Variants in ZRANB3 observed in about 807,000 individuals in gnomAD.
The protein encoded by ZRANB3 is zinc finger RANBP2-type containing 3, also known as DNA annealing helicase and endonuclease ZRANB3.
ZRANB3 carries 125 observed loss-of-function variants against 133.8 expected under a neutral mutation model. That is an observed-to-expected ratio of 0.93 (90% CI 0.81 to 1.08). ZRANB3 has a LOEUF of 1.08. Among genes scored for constraint, ZRANB3 ranks in the 50% least tolerant of loss-of-function variants. ZRANB3 has a pLI of 0.00. For synonymous variants in ZRANB3, 387 were observed against 432.7 expected (o/e 0.89, Z 1.31); for missense variants, 1,229 against 1,275.5 (o/e 0.96, Z 0.56).
chr2:135,393,683 C>T (rs1185212010), intron 2 of ZRANB3, among the ~76,000 whole-genome samples: 2 of 151,944 alleles, frequency 1.3e-5, no homozygotes, highest in Non-Finnish European at 2.9e-5. Flanking sequence ...TCTATTATAC[C>T]CTTGTAAAAT....
chr2:135,430,403 G>C (rs1574092150), intron 2 of ZRANB3, among the ~76,000 whole-genome samples: 1 of 151,260 alleles, frequency 6.6e-6, no homozygotes. Flanking sequence ...AATACTGCTT[G>C]ACTTTCTAAT....
At chr2:135,476,873 T>G (rs1691523011) in intron 2 of ZRANB3, among the ~76,000 whole-genome samples, 1 of 151,808 alleles carries the variant, frequency 6.6e-6, no homozygotes, top group East Asian at 1.9e-4. Flanking sequence ...CCTGGCTAAT[T>G]TTTAATTTTT....
At chr2:135,491,076 C>A (rs1005405218) in intron 2 of ZRANB3, among the ~76,000 whole-genome samples, 1 of 152,068 alleles carries the variant, frequency 6.6e-6, no homozygotes, top group African/African-American at 2.4e-5. Context: ...TTTGGTAGAT[C>A]AGTAGGGTGA....
intron 2 of ZRANB3, among the ~76,000 whole-genome samples, chr2:135,426,910 A>G (rs1247406072): frequency 7.3e-5 from 8 of 109,626 alleles, no homozygotes; most frequent in Non-Finnish European, 7.9e-5. Flanking sequence ...ATATATATAT[A>G]TGTGCAAATC....
chr2:135,365,007 C>A (rs909527594), intron 3 of ZRANB3, among the ~76,000 whole-genome samples: 1 of 151,582 alleles, frequency 6.6e-6, no homozygotes, highest in African/African-American at 2.4e-5. Flanking sequence ...AGAGATGGTG[C>A]CACTGCACTC....
intron 1 of ZRANB3, among the ~76,000 whole-genome samples, chr2:135,512,626 A>G (rs1050990615): frequency 2.0e-5 from 3 of 151,902 alleles, no homozygotes; most frequent in African/African-American, 7.2e-5. Context: ...ATAAACACTG[A>G]AAGTAAAAGA....
intron 6 of ZRANB3, among the ~76,000 whole-genome samples, chr2:135,343,186 CAAAAAAA>C (rs1176402987): frequency 2.1e-5 from 1 of 46,522 alleles, no homozygotes; most frequent in African/African-American, 9.3e-5. Flanking sequence ...ACTCTGTCTC[CAAAAAAA>C]AAAAAAAAAA....
chr2:135,352,612 T>G (rs2104876182), intron 4 of ZRANB3, among the ~76,000 whole-genome samples: 1 of 152,288 alleles, frequency 6.6e-6, no homozygotes, highest in South Asian at 2.1e-4. Context: ...CTCCATACAT[T>G]TTGTGTTTCC....
intron 3 of ZRANB3, among the ~76,000 whole-genome samples, chr2:135,379,175 T>C (rs1686572926): frequency 6.6e-6 from 1 of 152,304 alleles, no homozygotes; most frequent in South Asian, 2.1e-4. Flanking sequence ...TCTAAAATTG[T>C]ATTAAATTAA....
intron 2 of ZRANB3, among the ~76,000 whole-genome samples, chr2:135,398,047 CTT>C (rs966693695): frequency 1.3e-5 from 2 of 151,996 alleles, no homozygotes; most frequent in South Asian, 4.1e-4. Flanking sequence ...TGTTCTTTTT[CTT>C]TTTGTTTTTC....
chr2:135,321,632 C>G (rs1683532219), intron 6 of ZRANB3, among the ~76,000 whole-genome samples: 2 of 151,928 alleles, frequency 1.3e-5, no homozygotes. Context: ...TACCACCATG[C>G]CGGGCTAATT....
chr2:135,279,142 A>G (rs1441035758), intron 8 of ZRANB3, among the ~76,000 whole-genome samples: 2 of 152,066 alleles, frequency 1.3e-5, no homozygotes, highest in East Asian at 3.8e-4. Flanking sequence ...AGGTTAGGGG[A>G]CTGTTATTTT....
At chr2:135,267,058 G>A (rs1680282945) in intron 11 of ZRANB3, among the ~76,000 whole-genome samples, 1 of 152,164 alleles carries the variant, frequency 6.6e-6, no homozygotes, top group African/African-American at 2.4e-5. Context: ...GCTGTGTCAT[G>A]AGCCACTGTC....
intron 3 of ZRANB3, among the ~76,000 whole-genome samples, chr2:135,377,085 G>A (rs894948212): frequency 1.3e-5 from 2 of 152,178 alleles, no homozygotes; most frequent in African/African-American, 2.4e-5. Flanking sequence ...CTGTGAAACT[G>A]CTATTCATGT....
At chr2:135,393,781 T>G (rs1412861683) in intron 2 of ZRANB3, among the ~76,000 whole-genome samples, 1 of 152,214 alleles carries the variant, frequency 6.6e-6, no homozygotes, top group African/African-American at 2.4e-5. Context: ...GGACTGGTAC[T>G]GGTCTAATCA....
chr2:135,245,946 A>AAAAAAAAAAAAAAAAAAAAAAAAAAAAAC (rs1695775535), intron 12 of ZRANB3, among the ~76,000 whole-genome samples: 1 of 146,446 alleles, frequency 6.8e-6, no homozygotes, highest in Admixed American at 6.9e-5. Flanking sequence ...AAAAAAAAAA[A>AAAAAAAAAAAAAAAAAAAAAAAAAAAAAC]AAGAGACAGG....
chr2:135,489,134 G>C (rs1263142502), intron 2 of ZRANB3, among the ~76,000 whole-genome samples: 2 of 151,048 alleles, frequency 1.3e-5, no homozygotes, highest in African/African-American at 2.4e-5. Context: ...TCTTAAAAAA[G>C]GAATCTACAA....
chr2:135,404,162 G>C (rs1482726672), intron 2 of ZRANB3, among the ~76,000 whole-genome samples: 1 of 152,136 alleles, frequency 6.6e-6, no homozygotes, highest in Non-Finnish European at 1.5e-5. Flanking sequence ...CTGAGGTAAA[G>C]GAGGAAGTTC....
At chr2:135,256,733 C>T (rs758368876) in intron 12 of ZRANB3, among the ~76,000 whole-genome samples, 12 of 152,192 alleles carry the variant, frequency 7.9e-5, no homozygotes, top group Non-Finnish European at 1.5e-4. Context: ...GAGGCCAAGA[C>T]CTGCTGGGCT....
Sources: allele counts gnomAD v4.1 joint callset (sites outside exome capture counted in the v4.1 genomes callset), GRCh38; gene constraint gnomAD v4.1.1; transcripts MANE v1.5; gene names NCBI Gene and HGNC (gene_info 2026-07-23, HGNC 2026-07-21).